Variants in SYNPR observed in about 807,000 individuals in gnomAD.
The protein encoded by SYNPR is synaptoporin.
Under a neutral mutation model 32.9 loss-of-function variants are expected in SYNPR, and 23 were observed. The observed-to-expected ratio is 0.70, with a 90% CI of 0.50 to 0.99. The LOEUF is 0.99. Ranked by LOEUF, SYNPR falls within the 50% of genes least tolerant of loss-of-function variation. The pLI, the probability that SYNPR is intolerant of heterozygous loss-of-function variation, is 0.00. For missense variants in SYNPR, 318 were observed against 349.3 expected (o/e 0.91, Z 0.71); for synonymous variants, 146 against 135.9 (o/e 1.07, Z -0.52).
chr3:63,298,939 T>C (rs1204106365), intron 2 of SYNPR, among the ~76,000 whole-genome samples: 3 of 152,270 alleles, frequency 2.0e-5, no homozygotes, highest in Middle Eastern at 3.4e-3. Flanking sequence ...AGTTGGCATA[T>C]TGAGACCTCC....
chr3:63,507,960 A>T (rs563792185), intron 3 of SYNPR, among the ~76,000 whole-genome samples: 99 of 152,212 alleles, frequency 6.5e-4, no homozygotes, highest in African/African-American at 2.3e-3. Context: ...TGGCAAAATT[A>T]GTTTTAGTAA....
chr3:63,306,500 C>T (rs954720183), intron 2 of SYNPR, among the ~76,000 whole-genome samples: 2 of 151,508 alleles, frequency 1.3e-5, no homozygotes, highest in Non-Finnish European at 2.9e-5. Context: ...TTCACTGATA[C>T]ATACCCTGCC....
At position 63,598,209 on chromosome 3, in the gene SYNPR, G is replaced by A. The variant is rs1320442943; in HGVS notation, c.409-10916G>A. Among the ~76,000 whole-genome samples the A allele has an allele frequency of 3.9e-5, 6 of 152,180 alleles. No homozygotes were observed. The East Asian group carries it at 1.2e-3, about 29-fold the overall frequency. Reference sequence around the variant, plus strand: ...TTTGTTTATTTTTTATCAATATCCAGTGGAGTTGCTTGTGCCACTATTAGA... The same window carrying A: ...TTTGTTTATTTTTTATCAATATCCAATGGAGTTGCTTGTGCCACTATTAGA... On this transcript the variant is annotated intron_variant, in intron 4 of 5. Transcript: ENST00000478300.
chr3:63,224,357 C>G (rs1217200678), upstream of SYNPR, among the ~76,000 whole-genome samples: 1 of 152,122 alleles, frequency 6.6e-6, no homozygotes, highest in African/African-American at 2.4e-5. Context: ...AGCCATCCAC[C>G]CCCTCATCCC....
chr3:63,610,442 C>A, intron 5 of SYNPR: 1 of 686,110 alleles, frequency 1.5e-6, no homozygotes, highest in East Asian at 2.7e-5. Flanking sequence ...AAATAATTAT[C>A]TTTGCTTCAA....
At position 63,399,585 on chromosome 3, in the gene SYNPR, T is replaced by C. The variant is rs184105609; in HGVS notation, c.85-81247T>C. Among the ~76,000 whole-genome samples, 77 of 152,108 alleles carry C rather than the reference T, an allele frequency of 5.1e-4. 1 individual carries two copies. The East Asian group carries it at 0.01, about 21-fold the overall frequency. On this transcript the variant is annotated intron_variant, in intron 2 of 5. Transcript: ENST00000478300. ...TCTTGTACAAGGGTACTAATCACAC[T>C]CATAAGGGTCCTCTCTCATGACAAA...
chr3:63,607,159 T>C (rs13060742), intron 4 of SYNPR, among the ~76,000 whole-genome samples: 67,924 of 152,004 alleles, frequency 0.45, 15,334 homozygotes, highest in Middle Eastern at 0.55. Flanking sequence ...CTATAGGTAA[T>C]GCTTTAAGGT....
chr3:63,284,998 C>T (rs528345797), intron 2 of SYNPR, among the ~76,000 whole-genome samples: 152 of 152,306 alleles, frequency 1.0e-3, no homozygotes, highest in African/African-American at 2.9e-3. Flanking sequence ...TTTGAGCAGC[C>T]TCACTCCCAA....
chr3:63,254,061 G>A (rs1222594669), intron 2 of SYNPR, among the ~76,000 whole-genome samples: 8 of 152,098 alleles, frequency 5.3e-5, no homozygotes, highest in Admixed American at 2.0e-4. Context: ...GCAAACTATC[G>A]CAAGGACAAA....
intron 4 of SYNPR, among the ~76,000 whole-genome samples, chr3:63,575,717 G>C (rs28709102): frequency 0.11 from 17,108 of 152,180 alleles, 1,052 homozygotes; most frequent in Non-Finnish European, 0.14. Context: ...TGGATAGAAA[G>C]AGTTGCCTTC....
chr3:63,382,427 G>A (rs1466069817), intron 2 of SYNPR, among the ~76,000 whole-genome samples: 1 of 152,246 alleles, frequency 6.6e-6, no homozygotes, highest in African/African-American at 2.4e-5. Context: ...GGCACAGATA[G>A]AAGTAAGGCC....
At chr3:63,287,107 C>A (rs2086691812) in intron 2 of SYNPR, among the ~76,000 whole-genome samples, 1 of 152,122 alleles carries the variant, frequency 6.6e-6, no homozygotes, top group South Asian at 2.1e-4. Context: ...AAGGATGATG[C>A]TGCCAGTCGA....
At chr3:63,475,663 C>T (rs1700886369) in intron 2 of SYNPR, among the ~76,000 whole-genome samples, 1 of 152,096 alleles carries the variant, frequency 6.6e-6, no homozygotes, top group African/African-American at 2.4e-5. Context: ...CAGAGTCATC[C>T]TCAAATGGAG....
intron 2 of SYNPR, among the ~76,000 whole-genome samples, chr3:63,317,203 T>C (rs1212748358): frequency 2.0e-5 from 3 of 152,044 alleles, no homozygotes; most frequent in African/African-American, 7.2e-5. Context: ...AGAATGTGTA[T>C]TCTGCAGTTG....
At chr3:63,306,869 T>G (rs146949321) in intron 2 of SYNPR, among the ~76,000 whole-genome samples, 1 of 151,978 alleles carries the variant, frequency 6.6e-6, no homozygotes, top group Non-Finnish European at 1.5e-5. Flanking sequence ...GGCTTTGCCT[T>G]TTTTTTCAAC....
At chr3:63,501,358 A>C (rs961892106) in intron 3 of SYNPR, among the ~76,000 whole-genome samples, 1 of 152,038 alleles carries the variant, frequency 6.6e-6, no homozygotes, top group Non-Finnish European at 1.5e-5. Flanking sequence ...ATGCCCCTGT[A>C]GTCCCAGCTA....
chr3:63,206,491 G>A, the SYNPR span, among the ~76,000 whole-genome samples: 4 of 152,064 alleles, frequency 2.6e-5, no homozygotes, highest in African/African-American at 9.7e-5. Context: ...AGCCCAGGAG[G>A]CGGAGGTTGC....
chr3:63,459,174 C>T (rs1298069338), intron 2 of SYNPR, among the ~76,000 whole-genome samples: 3 of 152,162 alleles, frequency 2.0e-5, no homozygotes, highest in Admixed American at 6.5e-5. Context: ...GATACACTAC[C>T]TGATTTGGCC....
At chr3:63,221,489 C>T in the SYNPR span, among the ~76,000 whole-genome samples, 2 of 152,048 alleles carry the variant, frequency 1.3e-5, no homozygotes, top group Non-Finnish European at 2.9e-5. Context: ...TCAGCTCACT[C>T]GCATAGAGAA....
Sources: gnomAD v4.1 joint callset for allele counts (sites outside exome capture counted in the v4.1 genomes callset) on GRCh38, gnomAD v4.1.1 for gene constraint, MANE v1.5 for transcripts, NCBI Gene and HGNC (gene_info 2026-07-23, HGNC 2026-07-21) for gene names.